Variants in POLQ observed in about 807,000 individuals in gnomAD.
POLQ encodes the protein epididymis secretory sperm binding protein.
A neutral mutation model predicts 259.2 loss-of-function variants in POLQ; 233 were observed. The observed-to-expected ratio is 0.90, with a 90% confidence interval of 0.81 to 1.00. The LOEUF is 1.00. Among genes scored for constraint, POLQ ranks in the 50% least tolerant of loss-of-function variants. The pLI, the probability that POLQ is intolerant of heterozygous loss-of-function variation, is 0.00. For missense variants in POLQ, 2,871 were observed against 3,051.6 expected (o/e 0.94, Z 1.39); for synonymous variants, 1,025 against 1,048.8 (o/e 0.98, Z 0.44).
chr3:121,453,811 G>T (rs1382662735), intron 25 of POLQ, among the ~76,000 whole-genome samples: 1 of 152,108 alleles, frequency 6.6e-6, no homozygotes, highest in Non-Finnish European at 1.5e-5. Context: ...CACTCTGCAG[G>T]ATATAATCCA....
chr3:121,544,256 G>C (rs2048512307), intron 2 of POLQ, among the ~76,000 whole-genome samples: 1 of 152,042 alleles, frequency 6.6e-6, no homozygotes, highest in African/African-American at 2.4e-5. Context: ...GGGAGGCTGA[G>C]GCAGGAGAAT....
At chr3:121,515,749 C>T (rs538606339) in intron 9 of POLQ, among the ~76,000 whole-genome samples, 11 of 152,172 alleles carry the variant, frequency 7.2e-5, no homozygotes, top group Admixed American at 3.9e-4. Flanking sequence ...TGTGCAGATA[C>T]CAACACAAGA....
At position 121,512,004 on chromosome 3, in the gene POLQ, G is replaced by A; in HGVS notation, c.1494C>T (p.Asn498=). The change falls in exon 10 of 30, where the codon AAC becomes AAT. Residue 498 remains asparagine, a synonymous_variant. Transcript: ENST00000264233. ...GAGCTATGCCTTTTGATTTCTCAGAGTTCTTACAAATTAAGATACTCTCGC... is the reference window on the plus strand; with the variant it reads ...GAGCTATGCCTTTTGATTTCTCAGAATTCTTACAAATTAAGATACTCTCGC... ...TVGESILICK[N]SEKSKGIALL... 6.2e-7 allele frequency: 1 copy of A among 1,613,510 alleles called. No homozygotes were observed. Among genetic ancestry groups the A allele is most frequent in the Non-Finnish European group, 8.5e-7 (1 of 1,179,632 alleles).
In POLQ at chr3:121,508,679, T is replaced by C. The variant is rs951946478; in HGVS notation, c.1959+882A>G. Among the ~76,000 whole-genome samples, 6 of 152,328 alleles carry C rather than the reference T, an allele frequency of 3.9e-5. No homozygotes were observed. The East Asian group carries it at 9.6e-4, about 24-fold the overall frequency. On this transcript the variant is annotated intron_variant, in intron 12 of 29. Transcript: ENST00000264233. ...TTATCACCCATGTATTATGCGAGTT[T>C]GTAATAAAAGAAAATTGGTACTGTC...
chr3:121,432,000 A>ATTTC lies in POLQ; in HGVS notation c.*300_*303dup, dbSNP rs1489448715. 3 of 243,358 alleles carry ATTTC rather than the reference A, an allele frequency of 1.2e-5. No homozygotes were observed. Among genetic ancestry groups the ATTTC allele is most frequent in the Non-Finnish European group, 2.3e-5 (3 of 128,646 alleles). 15.1% of individuals were successfully genotyped at this position (243,358 alleles called of 1,614,324 possible). Reference sequence around the variant, plus strand: ...TGTGGAACCAAAGTGCTAAGTGCATATTTCAAGCATCTGTTCTGAATATGT... The same window carrying ATTTC: ...TGTGGAACCAAAGTGCTAAGTGCATATTTCTTTCAAGCATCTGTTCTGAATATGT... On this transcript the variant is annotated 3_prime_UTR_variant, in exon 30 of 30. Transcript: ENST00000264233.
chr3:121,489,597 TTTTA>T lies in POLQ; in HGVS notation c.3330_3333del (p.Asn1110LysfsTer8), dbSNP rs774152826. 2 of 1,613,124 alleles carry T rather than the reference TTTTA, an allele frequency of 1.2e-6. No homozygotes were observed. The highest frequency in any genetic ancestry group is 4.5e-5 in the East Asian group (2 of 44,880). ...TGCTTTATTTGTAATGGGAATGATG[TTTTA>T]TTATCTTTTTCCTTACCACTCAAAG... On this transcript the variant is annotated frameshift_variant, in exon 16 of 30. Coordinates refer to ENST00000264233, the MANE Select transcript of POLQ (RefSeq NM_199420.4). LOFTEE classifies it high-confidence loss of function.
At chr3:121,467,412 G>A in intron 24 of POLQ, 107 bp downstream of exon 24, 1 of 1,060,112 alleles carries the variant, frequency 9.4e-7, no homozygotes, top group Non-Finnish European at 1.4e-6. Context: ...CAGAAAGATG[G>A]AGGGACCAAT....
At chr3:121,504,549 T>C (rs1023645860) in intron 12 of POLQ, among the ~76,000 whole-genome samples, 19 of 152,166 alleles carry the variant, frequency 1.2e-4, no homozygotes, top group African/African-American at 4.1e-4. Context: ...ACTGTGCAGT[T>C]AGTATTACTC....
chr3:121,469,551 T>C (rs993347973), intron 22 of POLQ, among the ~76,000 whole-genome samples: 13 of 152,200 alleles, frequency 8.5e-5, no homozygotes, highest in African/African-American at 3.1e-4. Context: ...ACCTTTAACA[T>C]AATTGTTGAC....
chr3:121,444,963 G>A (rs892262936), intron 26 of POLQ, among the ~76,000 whole-genome samples: 1 of 152,140 alleles, frequency 6.6e-6, no homozygotes, highest in Non-Finnish European at 1.5e-5. Flanking sequence ...TGGTCATGAT[G>A]AATGATCTTT....
intron 19 of POLQ, among the ~76,000 whole-genome samples, chr3:121,480,817 A>C (rs2047964699): frequency 6.6e-6 from 1 of 152,174 alleles, no homozygotes; most frequent in Non-Finnish European, 1.5e-5. Flanking sequence ...TAGTTTGCCC[A>C]AAGTCCCTCA....
chr3:121,536,410 C>T (rs887807599), intron 5 of POLQ, among the ~76,000 whole-genome samples: 1 of 151,986 alleles, frequency 6.6e-6, no homozygotes, highest in Non-Finnish European at 1.5e-5. Context: ...AGAGATGCTG[C>T]TGTAAATATT....
chr3:121,486,490 G>A (rs1255019779), intron 16 of POLQ, among the ~76,000 whole-genome samples: 1 of 151,990 alleles, frequency 6.6e-6, no homozygotes, highest in Non-Finnish European at 1.5e-5. Context: ...AGAGGCAGAG[G>A]TTGCAGTGAG....
intron 27 of POLQ, among the ~76,000 whole-genome samples, chr3:121,439,045 G>A (rs145765903): frequency 6.6e-6 from 1 of 152,182 alleles, no homozygotes; most frequent in Non-Finnish European, 1.5e-5. Flanking sequence ...GTTAAAATAG[G>A]AAGATATGAA....
intron 11 of POLQ, 76 bp from the exon 12 acceptor site, chr3:121,509,779 T>G (rs112378280): frequency 7.0e-7 from 1 of 1,419,686 alleles, no homozygotes; most frequent in Non-Finnish European, 9.7e-7. Context: ...ATCTTTCTGT[T>G]TTCCATGCTA....
Position 121,467,648 on chromosome 3 carries a change from G to A in POLQ, c.6846-8C>T, listed in dbSNP as rs1374204213. On this transcript the variant is annotated splice_polypyrimidine_tract_variant and splice_region_variant and intron_variant, in intron 23 of 29. Coordinates refer to ENST00000264233, the MANE Select transcript of POLQ (RefSeq NM_199420.4). Reference sequence around the variant, plus strand: ...CCCTTCTTATATTTTCCTCTGTGGTGCAAACAACATCATCAGTTAGACATG... The same window carrying A: ...CCCTTCTTATATTTTCCTCTGTGGTACAAACAACATCATCAGTTAGACATG... 2 of 1,612,340 alleles carry A rather than the reference G, an allele frequency of 1.2e-6. No individual in the cohort carries two copies. Among genetic ancestry groups the A allele is most frequent in the African/African-American group, 2.7e-5 (2 of 74,808 alleles).
In POLQ at chr3:121,489,264, C is replaced by T. The variant is rs370576936; in HGVS notation, c.3667G>A (p.Val1223Ile). 6.2e-7 allele frequency: 1 copy of T among 1,613,480 alleles called. No individual in the cohort carries two copies. Among genetic ancestry groups the T allele is most frequent in the African/African-American group, 1.3e-5 (1 of 74,914 alleles). ...IIERQMPCEA[V>I]SSYINRDSNV... ...GAGTCTCTATTTATGTAACTACTGA[C>T]TGCTTCACAGGGCATTTGTCTCTCT... Residue 1223 changes from valine (V) to isoleucine (I), a missense_variant, in exon 16 of 30, where the codon GTC becomes ATC. Physicochemically the swap from Val to Ile is conservative, Grantham distance 29 (BLOSUM62 3). This residue lies in a region of POLQ where 2,080 missense variants were observed against 2,126.0 expected (regional missense o/e 0.98). Transcript: ENST00000264233.
intron 7 of POLQ, among the ~76,000 whole-genome samples, chr3:121,525,176 CT>C: frequency 6.6e-6 from 1 of 151,972 alleles, no homozygotes; most frequent in Non-Finnish European, 1.5e-5. Context: ...CCCGTCTCTA[CT>C]AAAAATACAA....
intron 9 of POLQ, among the ~76,000 whole-genome samples, chr3:121,516,771 C>T (rs1576423723): frequency 6.6e-6 from 1 of 152,100 alleles, no homozygotes; most frequent in Non-Finnish European, 1.5e-5. Flanking sequence ...CTACACGATA[C>T]AAAAAGCATG....
Sources: gnomAD v4.1 joint callset for allele counts (sites outside exome capture counted in the v4.1 genomes callset) on GRCh38, gnomAD v4.1.1 for gene constraint, gnomAD v4.1.1 regional missense constraint, MANE v1.5 for transcripts, NCBI Gene and HGNC (gene_info 2026-07-23, HGNC 2026-07-21) for gene names.